The following CCDC63 variants were observed in gnomAD, a reference collection of about 807,000 sequenced individuals.
CCDC63 encodes coiled-coil domain-containing protein 63.
CCDC63 carries 54 observed loss-of-function variants against 63.6 expected under a neutral mutation model. That is an observed-to-expected ratio of 0.85 (90% CI 0.68 to 1.07). The LOEUF (loss-of-function observed/expected upper bound fraction) is 1.07, where lower values mean the gene tolerates loss of function less well. Among genes scored for constraint, CCDC63 ranks in the 50% least tolerant of loss-of-function variants. The pLI is 0.00. For missense variants in CCDC63, 637 were observed against 689.6 expected (o/e 0.92, Z 0.86); for synonymous variants, 253 against 266.1 (o/e 0.95, Z 0.48).
intron 5 of CCDC63, among the ~76,000 whole-genome samples, 186 bp from the exon 6 acceptor site, chr12:110,879,720 T>A (rs1304998692): frequency 1.3e-5 from 2 of 152,130 alleles, no homozygotes; most frequent in Non-Finnish European, 2.9e-5. Flanking sequence ...AAAGGGCCCT[T>A]AGCCAGTTGG....
intron 7 of CCDC63, among the ~76,000 whole-genome samples, chr12:110,881,562 A>G (rs141574969): frequency 0.05 from 7,579 of 152,228 alleles, 287 homozygotes; most frequent in East Asian, 0.15. Context: ...TCTACTAAAA[A>G]TACAAAAAAA....
chr12:110,850,105 G>A (rs1300595674), intron 1 of CCDC63, among the ~76,000 whole-genome samples: 1 of 152,228 alleles, frequency 6.6e-6, no homozygotes, highest in East Asian at 1.9e-4. Context: ...TTGTGTAACA[G>A]CCCAATGAGG....
intron 10 of CCDC63, among the ~76,000 whole-genome samples, chr12:110,900,966 A>T (rs1240574189): frequency 6.6e-6 from 1 of 152,150 alleles, no homozygotes; most frequent in Non-Finnish European, 1.5e-5. Context: ...TCCTGGCCAC[A>T]TTCAGTGATT....
intron 10 of CCDC63, among the ~76,000 whole-genome samples, chr12:110,902,410 A>G (rs1393119801): frequency 6.6e-6 from 1 of 152,038 alleles, no homozygotes; most frequent in Non-Finnish European, 1.5e-5. Flanking sequence ...TTCCAAATCC[A>G]TTGCTGCCCC....
chr12:110,883,765 A>T (rs901520496), intron 7 of CCDC63, among the ~76,000 whole-genome samples: 1 of 151,860 alleles, frequency 6.6e-6, no homozygotes, highest in Non-Finnish European at 1.5e-5. Flanking sequence ...TTAGCCTCCC[A>T]TGTAGCTGGG....
intron 8 of CCDC63, among the ~76,000 whole-genome samples, chr12:110,888,448 T>G (rs2071312656): frequency 6.6e-6 from 1 of 152,226 alleles, no homozygotes; most frequent in Non-Finnish European, 1.5e-5. Context: ...GGGTAAGCGC[T>G]GCCCTCTCTG....
At chr12:110,905,011 A>G (rs2071541036) in intron 11 of CCDC63, among the ~76,000 whole-genome samples, 1 of 152,084 alleles carries the variant, frequency 6.6e-6, no homozygotes. Flanking sequence ...TGCTAGGGTG[A>G]CACAGATCCT....
At chr12:110,867,197 G>A (rs1318594299) in intron 4 of CCDC63, among the ~76,000 whole-genome samples, 25 of 133,650 alleles carry the variant, frequency 1.9e-4, no homozygotes, top group Middle Eastern at 4.6e-3. Flanking sequence ...CCTCCCTCCC[G>A]GACGGGGCGG....
At chr12:110,906,689 C>T (rs1410696827) in intron 11 of CCDC63, among the ~76,000 whole-genome samples, 1 of 152,026 alleles carries the variant, frequency 6.6e-6, no homozygotes, top group Non-Finnish European at 1.5e-5. Context: ...CACAGAGATC[C>T]TGTGTGTTTC....
At chr12:110,864,949 G>A (rs1304163849) in intron 4 of CCDC63, among the ~76,000 whole-genome samples, 1 of 152,190 alleles carries the variant, frequency 6.6e-6, no homozygotes, top group African/African-American at 2.4e-5. Context: ...GATGGGAGCA[G>A]CAATTCCAGG....
chr12:110,887,656 A>G (rs1183104532), intron 8 of CCDC63, among the ~76,000 whole-genome samples: 1 of 152,134 alleles, frequency 6.6e-6, no homozygotes, highest in Non-Finnish European at 1.5e-5. Context: ...AAAAACAATT[A>G]GAATTCTAAC....
intron 4 of CCDC63, among the ~76,000 whole-genome samples, chr12:110,866,566 T>C (rs1165089509): frequency 6.8e-6 from 1 of 146,810 alleles, no homozygotes; most frequent in African/African-American, 2.5e-5. Context: ...AAAGCACATC[T>C]TGCACCGCCC....
intron 3 of CCDC63, among the ~76,000 whole-genome samples, chr12:110,858,191 G>T (rs1355671646): frequency 1.3e-5 from 2 of 150,614 alleles, no homozygotes; most frequent in Non-Finnish European, 1.5e-5. Flanking sequence ...AATCCTGCCT[G>T]ATGGTTTGCT....
chr12:110,904,606 C>A lies in CCDC63; in HGVS notation c.1361C>A (p.Thr454Asn), dbSNP rs1008614863. 5 of 1,613,924 alleles carry A rather than the reference C, an allele frequency of 3.1e-6. No homozygotes were observed. The African/African-American group carries it at 5.3e-5, about 17-fold the overall frequency. Residue 454 changes from threonine (T) to asparagine (N), a missense_variant, in exon 11 of 12, where the codon ACC (threonine) becomes AAC (asparagine). By Grantham distance (65) the Thr-to-Asn change is moderately conservative. Transcript: ENST00000308208. ...PQYFAIIEKK[T>N]NDLLLLETYR... ...TCTCCAGCCATCATTGAAAAGAAGA[C>A]CAACGACCTGCTGCTGTTGGAGACC...
At chr12:110,899,339 G>A (rs916722631) in intron 10 of CCDC63, among the ~76,000 whole-genome samples, 1 of 152,174 alleles carries the variant, frequency 6.6e-6, no homozygotes, top group Admixed American at 6.6e-5. Context: ...TTTCTTTTGA[G>A]ACAGGGTCTT....
intron 4 of CCDC63, among the ~76,000 whole-genome samples, chr12:110,870,686 C>T (rs946254951): frequency 6.6e-6 from 1 of 152,156 alleles, no homozygotes; most frequent in African/African-American, 2.4e-5. Context: ...AGTCACATCC[C>T]CCATTATTAG....
intron 10 of CCDC63, among the ~76,000 whole-genome samples, chr12:110,901,431 T>C (rs2071485975): frequency 6.6e-6 from 1 of 152,200 alleles, no homozygotes; most frequent in South Asian, 2.1e-4. Context: ...TCTCGCCATG[T>C]TGCCCAGGCT....
intron 10 of CCDC63, among the ~76,000 whole-genome samples, chr12:110,902,205 G>C (rs2071497536): frequency 6.6e-6 from 1 of 152,160 alleles, no homozygotes; most frequent in African/African-American, 2.4e-5. Context: ...TGAAATCCAG[G>C]TTCCCGGATG....
chr12:110,849,516 T>TTTTTTTTG (rs2070679939), intron 1 of CCDC63, among the ~76,000 whole-genome samples: 1 of 150,542 alleles, frequency 6.6e-6, no homozygotes, highest in Non-Finnish European at 1.5e-5. Flanking sequence ...TTTTTTTTTT[T>TTTTTTTTG]GAGATGGAGT....
Sources: allele counts gnomAD v4.1 joint callset (sites outside exome capture counted in the v4.1 genomes callset), GRCh38; gene constraint gnomAD v4.1.1; transcripts MANE v1.5; gene names NCBI Gene and HGNC (gene_info 2026-07-23, HGNC 2026-07-21).